Variants in ASAP2 observed in about 807,000 individuals in gnomAD.
The protein encoded by ASAP2 is ArfGAP with SH3 domain, ankyrin repeat and PH domain 2, also known as arf-GAP with SH3 domain, ANK repeat and PH domain-containing protein 2.
ASAP2 carries 45 observed loss-of-function variants against 131.4 expected under a neutral mutation model. The ratio of observed to expected loss-of-function variants is 0.34; its 90% CI spans 0.27 to 0.44. The LOEUF (loss-of-function observed/expected upper bound fraction) is 0.44, where lower values mean the gene tolerates loss of function less well. ASAP2 is among the 20% of genes least tolerant of loss of function. ASAP2 has a pLI of 1.00. For synonymous variants in ASAP2, 510 were observed against 503.0 expected, an observed-to-expected ratio of 1.01 and a Z score of -0.19; for missense variants, 1,011 against 1,297.0, an observed-to-expected ratio of 0.78 and a Z score of 3.39.
intron 20 of ASAP2, among the ~76,000 whole-genome samples, chr2:9,381,283 AGCCCTG>A (rs992925795): frequency 1.3e-5 from 2 of 152,266 alleles, no homozygotes; most frequent in African/African-American, 4.8e-5. Flanking sequence ...CAGGCCAGGC[AGCCCTG>A]GCCTTGCCGG....
chr2:9,368,842 G>A (rs1055671052), intron 16 of ASAP2, among the ~76,000 whole-genome samples: 5 of 151,908 alleles, frequency 3.3e-5, no homozygotes, highest in African/African-American at 1.2e-4. Context: ...TCACTTCCCC[G>A]TCTTGGTCTC....
intron 2 of ASAP2, among the ~76,000 whole-genome samples, chr2:9,284,762 A>C (rs1667360925): frequency 6.6e-6 from 1 of 152,200 alleles, no homozygotes; most frequent in African/African-American, 2.4e-5. Flanking sequence ...ATACATTATC[A>C]GGTTCCTGCT....
rs1296900314 is a variant in ASAP2 at position 9,207,771 on chromosome 2, C to T, written c.126+541C>T. Among the ~76,000 whole-genome samples the T allele has an allele frequency of 6.6e-6, 1 of 152,138 alleles. No individual in the cohort carries two copies. The highest frequency in any genetic ancestry group is 2.4e-5 in the African/African-American group (1 of 41,446). ...CAGGGCGGCCTGGCTGCGCTCCACC[C>T]GTGCCCGGAGAAGGAACTGCGGGCA... On this transcript the variant is annotated intron_variant, in intron 1 of 27. Coordinates refer to ENST00000281419, the MANE Select transcript of ASAP2 (RefSeq NM_003887.3). This position sits in a 1 kb window ranked among gnomAD's most constrained non-coding sequence, Gnocchi z 4.1.
intron 1 of ASAP2, among the ~76,000 whole-genome samples, chr2:9,248,798 C>T (rs1304625093): frequency 6.6e-6 from 1 of 152,084 alleles, no homozygotes; most frequent in Non-Finnish European, 1.5e-5. Context: ...TGGCCAGGGA[C>T]CCTGTCCCTG....
chr2:9,328,580 A>T (rs1670625011), intron 7 of ASAP2, among the ~76,000 whole-genome samples: 1 of 152,254 alleles, frequency 6.6e-6, no homozygotes, highest in African/African-American at 2.4e-5. Context: ...GAGCAAAGGA[A>T]GATGTTAGTA....
intron 1 of ASAP2, among the ~76,000 whole-genome samples, chr2:9,257,158 A>G (rs763289356): frequency 7.9e-5 from 12 of 152,226 alleles, no homozygotes; most frequent in Non-Finnish European, 1.6e-4. Context: ...CGTGTCGGGC[A>G]TTCCACTGGT....
intron 1 of ASAP2, among the ~76,000 whole-genome samples, chr2:9,252,968 A>G (rs1244282257): frequency 3.3e-5 from 5 of 152,018 alleles, no homozygotes; most frequent in Non-Finnish European, 5.9e-5. Context: ...CGTGGGCCCA[A>G]TCACTGGTCC....
intron 11 of ASAP2, among the ~76,000 whole-genome samples, chr2:9,347,552 A>G (rs887913409): frequency 2.6e-5 from 4 of 152,230 alleles, no homozygotes; most frequent in African/African-American, 9.6e-5. Flanking sequence ...TTACACTGGT[A>G]GGAAAACCCT....
At chr2:9,399,738 CCAG>C (rs1676466713) in intron 24 of ASAP2, 1 of 489,426 alleles carries the variant, frequency 2.0e-6, no homozygotes, top group Non-Finnish European at 3.7e-6. Context: ...GGGCCAGTGG[CCAG>C]TGCCCAGCAT....
At chr2:9,330,333 G>A (rs912103498) in intron 7 of ASAP2, among the ~76,000 whole-genome samples, 1 of 152,126 alleles carries the variant, frequency 6.6e-6, no homozygotes, top group Admixed American at 6.5e-5. Context: ...GACAAATATC[G>A]CATGTTCCCA....
chr2:9,254,002 T>G (rs926165345), intron 1 of ASAP2, among the ~76,000 whole-genome samples: 6 of 151,216 alleles, frequency 4.0e-5, no homozygotes, highest in Non-Finnish European at 7.4e-5. Context: ...GGTTGGGAGT[T>G]CGAGACCAGC....
Position 9,233,575 on chromosome 2 carries a change from T to C in ASAP2, c.126+26345T>C, listed in dbSNP as rs376749131. 7.2e-5 allele frequency among the ~76,000 whole-genome samples: 11 copies of C among 152,350 alleles called. No homozygotes were observed. In the South Asian group the frequency reaches 1.7e-3, roughly 23 times the overall value. On this transcript the variant is annotated intron_variant, in intron 1 of 27. Transcript: ENST00000281419. The stretch of plus-strand genomic sequence containing the variant: ...CCCTTCAGGACCTCTCGTTATAGCT[T>C]AGCCTATGTAGTGATTAGAGCATCT...
intron 3 of ASAP2, among the ~76,000 whole-genome samples, chr2:9,308,124 AACACATATATAACAC>A (rs1256411122): frequency 5.9e-5 from 9 of 152,212 alleles, no homozygotes; most frequent in Admixed American, 5.2e-4. Context: ...ACATATATAT[AACACATATATAACAC>A]ACACATATAT....
chr2:9,352,252 C>CAA (rs1672400894), intron 12 of ASAP2, among the ~76,000 whole-genome samples: 1 of 148,778 alleles, frequency 6.7e-6, no homozygotes, highest in South Asian at 2.1e-4. Flanking sequence ...CACACAAACA[C>CAA]ACACACCACT....
chr2:9,380,166 G>A (rs1460940950), intron 19 of ASAP2, among the ~76,000 whole-genome samples: 1 of 152,184 alleles, frequency 6.6e-6, no homozygotes, highest in African/African-American at 2.4e-5. Context: ...ATTTTAATTA[G>A]GTGGCTGCTT....
At chr2:9,337,396 G>A (rs187717499) in intron 9 of ASAP2, among the ~76,000 whole-genome samples, 158 of 152,290 alleles carry the variant, frequency 1.0e-3, no homozygotes, top group Non-Finnish European at 1.7e-3. Context: ...GTTCCATCTT[G>A]TATACCTCAA....
intron 1 of ASAP2, among the ~76,000 whole-genome samples, chr2:9,266,529 C>T (rs2148230117): frequency 6.6e-6 from 1 of 152,234 alleles, no homozygotes; most frequent in East Asian, 1.9e-4. Context: ...TCTGCATGTA[C>T]ACAGGCCAGC....
intron 1 of ASAP2, among the ~76,000 whole-genome samples, chr2:9,250,477 A>T (rs994371860): frequency 1.3e-5 from 2 of 152,100 alleles, no homozygotes; most frequent in Non-Finnish European, 2.9e-5. Context: ...GGGAATTGGG[A>T]CCCCAGATCT....
At chr2:9,224,447 C>T (rs1332003494) in intron 1 of ASAP2, among the ~76,000 whole-genome samples, 1 of 152,152 alleles carries the variant, frequency 6.6e-6, no homozygotes, top group Non-Finnish European at 1.5e-5. Context: ...TCCAGCTAAT[C>T]TTGTTGATTT....
Sources: gnomAD v4.1 joint callset for allele counts (sites outside exome capture counted in the v4.1 genomes callset) on GRCh38, gnomAD v4.1.1 for gene constraint, Gnocchi (gnomAD v3.1) non-coding constraint, MANE v1.5 for transcripts, NCBI Gene and HGNC (gene_info 2026-07-23, HGNC 2026-07-21) for gene names.